Variants in CDH12 observed in about 807,000 individuals in gnomAD.
The protein encoded by CDH12 is cadherin-12.
Under a neutral mutation model 74.1 loss-of-function variants are expected in CDH12, and 41 were observed. The observed-to-expected ratio is 0.55, with a 90% CI of 0.43 to 0.72. The LOEUF (loss-of-function observed/expected upper bound fraction) is 0.72, where lower values mean the gene tolerates loss of function less well. Among genes scored for constraint, CDH12 ranks in the 30% least tolerant of loss-of-function variants. The pLI is 0.00. For synonymous variants in CDH12, 399 were observed against 355.0 expected, an observed-to-expected ratio of 1.12 and a Z score of -1.39; for missense variants, 945 against 977.2, an observed-to-expected ratio of 0.97 and a Z score of 0.44.
chr5:22,426,116 G>C (rs1743925114), intron 2 of CDH12, among the ~76,000 whole-genome samples: 1 of 150,782 alleles, frequency 6.6e-6, no homozygotes, highest in African/African-American at 2.4e-5. Context: ...GAACCTGGGA[G>C]GCAGAGTTTG....
At chr5:22,519,849 TGTG>T (rs988956213) in intron 1 of CDH12, among the ~76,000 whole-genome samples, 11 of 152,194 alleles carry the variant, frequency 7.2e-5, no homozygotes, top group African/African-American at 2.4e-4. Flanking sequence ...TTCATGGAGT[TGTG>T]GTGAGGTTTA....
chr5:21,780,469 A>G (rs1404383416), intron 11 of CDH12, among the ~76,000 whole-genome samples: 1 of 152,224 alleles, frequency 6.6e-6, no homozygotes, highest in East Asian at 1.9e-4. Context: ...CCACAGCTAC[A>G]GCAGAAGCAA....
At chr5:22,551,689 G>T (rs938243528) in intron 1 of CDH12, among the ~76,000 whole-genome samples, 3 of 151,564 alleles carry the variant, frequency 2.0e-5, no homozygotes, top group East Asian at 1.9e-4. Context: ...TTATCTAAAG[G>T]TTAAATGCCT....
chr5:21,884,020 T>G, intron 6 of CDH12: 1 of 1,482,568 alleles, frequency 6.7e-7, no homozygotes, highest in Non-Finnish European at 9.4e-7. Flanking sequence ...ATTCCAGCAA[T>G]GACCACTGCT....
intron 3 of CDH12, among the ~76,000 whole-genome samples, chr5:22,375,206 A>G (rs1389839843): frequency 1.3e-5 from 2 of 152,128 alleles, no homozygotes; most frequent in African/African-American, 4.8e-5. Context: ...AGGACAGGAA[A>G]TCCTCTTCAA....
chr5:22,044,473 T>C (rs1199965036), intron 5 of CDH12, among the ~76,000 whole-genome samples: 1 of 152,016 alleles, frequency 6.6e-6, no homozygotes, highest in Non-Finnish European at 1.5e-5. Context: ...TTTAAACCAT[T>C]AGATAGAGTG....
chr5:22,535,587 G>A (rs1472457005), intron 1 of CDH12, among the ~76,000 whole-genome samples: 1 of 152,152 alleles, frequency 6.6e-6, no homozygotes, highest in African/African-American at 2.4e-5. Flanking sequence ...GAGATAAAAG[G>A]GTTTGAAAGA....
intron 6 of CDH12, among the ~76,000 whole-genome samples, chr5:21,856,127 C>G (rs1750743615): frequency 1.3e-5 from 2 of 151,674 alleles, no homozygotes; most frequent in Admixed American, 6.6e-5. Context: ...CCATCATCAT[C>G]ACCATCATCA....
At chr5:21,802,569 G>T in intron 9 of CDH12, 149 bp from the exon 10 acceptor site, 1 of 583,108 alleles carries the variant, frequency 1.7e-6, no homozygotes, top group Non-Finnish European at 3.0e-6. Flanking sequence ...GGTAAGGGCA[G>T]CACAAGGCAA....
At chr5:21,777,526 AT>A (rs67741612) in intron 11 of CDH12, among the ~76,000 whole-genome samples, 81,396 of 142,346 alleles carry the variant, frequency 0.57, 24,682 homozygotes, top group Non-Finnish European at 0.71. Flanking sequence ...TACCACTAAC[AT>A]TTTTTTTTTT....
intron 4 of CDH12, among the ~76,000 whole-genome samples, chr5:22,182,435 ATTGT>A (rs1461172296): frequency 6.6e-6 from 1 of 152,106 alleles, no homozygotes; most frequent in East Asian, 1.9e-4. Context: ...CAGTGTTACC[ATTGT>A]TTGTTCAGCA....
intron 1 of CDH12, among the ~76,000 whole-genome samples, chr5:22,665,316 T>A (rs1263254970): frequency 6.6e-6 from 1 of 152,182 alleles, no homozygotes; most frequent in Non-Finnish European, 1.5e-5. Context: ...GGAATGCAAT[T>A]TTCTAGCTGA....
chr5:22,528,413 C>T (rs769974865), intron 1 of CDH12, among the ~76,000 whole-genome samples: 1 of 152,086 alleles, frequency 6.6e-6, no homozygotes, highest in Admixed American at 6.6e-5. Flanking sequence ...GATCACACTC[C>T]TTCTCAATGA....
intron 6 of CDH12, among the ~76,000 whole-genome samples, chr5:21,873,111 C>G (rs1751733602): frequency 6.6e-6 from 1 of 152,036 alleles, no homozygotes. Flanking sequence ...TATTTCAATT[C>G]TGTAATGATA....
chr5:22,509,608 A>C (rs1440444866), intron 1 of CDH12, among the ~76,000 whole-genome samples: 1 of 152,198 alleles, frequency 6.6e-6, no homozygotes. Flanking sequence ...AATGAAATTC[A>C]GGCATCTTGG....
At chr5:22,726,581 T>C (rs1033467631) in intron 1 of CDH12, among the ~76,000 whole-genome samples, 8 of 151,850 alleles carry the variant, frequency 5.3e-5, no homozygotes, top group African/African-American at 1.9e-4. Context: ...CCTCCAGCAA[T>C]GAAAGAGAGC....
chr5:21,963,157 AT>A (rs1756439517), intron 6 of CDH12, among the ~76,000 whole-genome samples: 1 of 152,052 alleles, frequency 6.6e-6, no homozygotes, highest in Non-Finnish European at 1.5e-5. Context: ...TTTAATTCTA[AT>A]TTTAGATTCA....
At chr5:22,745,381 T>C (rs558216362) in intron 1 of CDH12, among the ~76,000 whole-genome samples, 3 of 152,238 alleles carry the variant, frequency 2.0e-5, no homozygotes, top group Admixed American at 2.0e-4. Context: ...AATCTAAAGA[T>C]AGCAATACCA....
chr5:22,173,978 A>G (rs1420221913), intron 4 of CDH12, among the ~76,000 whole-genome samples: 1 of 151,988 alleles, frequency 6.6e-6, no homozygotes, highest in African/African-American at 2.4e-5. Context: ...GGTTATACTC[A>G]TAGAATTACT....
Sources: gnomAD v4.1 joint callset for allele counts (sites outside exome capture counted in the v4.1 genomes callset) on GRCh38, gnomAD v4.1.1 for gene constraint, MANE v1.5 for transcripts, NCBI Gene and HGNC (gene_info 2026-07-23, HGNC 2026-07-21) for gene names.